Variants in ARL17A observed in about 807,000 individuals in gnomAD.
The protein encoded by ARL17A is ARF like GTPase 17A.
At chr17:46,541,458 G>T (rs1287663338) in intron 3 of ARL17A, among the ~76,000 whole-genome samples, 1 of 149,306 alleles carries the variant, frequency 6.7e-6, no homozygotes, top group Admixed American at 6.6e-5. Context: ...CGCCATGTTG[G>T]CCAGGGTGGT....
intron 2 of ARL17A, among the ~76,000 whole-genome samples, chr17:46,575,345 T>C (rs1329355885): frequency 4.6e-5 from 7 of 151,726 alleles, no homozygotes; most frequent in African/African-American, 1.2e-4. Context: ...ATTTCTCTAG[T>C]TGGACATCAT....
At chr17:46,525,690 A>G (rs79502567), downstream of ARL17A, among the ~76,000 whole-genome samples, 4,384 of 117,340 alleles carry the variant, frequency 0.037, 194 homozygotes, top group East Asian at 0.22. Flanking sequence ...CCAGGAAAAC[A>G]CTGGAATCAC....
chr17:46,541,249 C>G (rs903212976), intron 3 of ARL17A, among the ~76,000 whole-genome samples: 6 of 150,492 alleles, frequency 4.0e-5, no homozygotes, highest in African/African-American at 1.0e-4. Context: ...TTCACAAAGC[C>G]TAATTTTTTT....
intron 3 of ARL17A, among the ~76,000 whole-genome samples, chr17:46,545,359 G>C (rs541750393): frequency 7.2e-6 from 1 of 139,588 alleles, no homozygotes; most frequent in Non-Finnish European, 1.5e-5. Flanking sequence ...GCTGAATTTG[G>C]AGGATCCCTT....
chr17:46,542,514 G>GAT (rs574096941), intron 3 of ARL17A, among the ~76,000 whole-genome samples: 10 of 146,274 alleles, frequency 6.8e-5, no homozygotes, highest in South Asian at 2.1e-4. Flanking sequence ...TTCTTTGCAG[G>GAT]ATATATATAT....
chr17:46,520,965 A>G (rs1173686668), intron 3 of ARL17A, among the ~76,000 whole-genome samples: 1 of 81,830 alleles, frequency 1.2e-5, no homozygotes, highest in Non-Finnish European at 3.3e-5. Context: ...CAAGAATATT[A>G]AGCTACCAAG....
rs1179557017 is a variant in ARL17A at position 46,534,671 on chromosome 17, C to T, written c.335+3680G>A. On this transcript the variant is annotated intron_variant, in intron 4 of 4. Transcript: ENST00000329240. ...TTCCCCCTTTTCTATTCAACAAAACCACCATCGTCATCATGGCCCGTTCTC... is the reference window on the plus strand; with the variant it reads ...TTCCCCCTTTTCTATTCAACAAAACTACCATCGTCATCATGGCCCGTTCTC... Among the ~76,000 whole-genome samples the T allele has an allele frequency of 1.9e-4, 28 of 149,098 alleles. 3 individuals are homozygous for T. Among genetic ancestry groups the T allele is most frequent in the African/African-American group, 6.7e-4 (26 of 39,074 alleles).
chr17:46,545,373 C>T (rs2056133653), intron 3 of ARL17A, among the ~76,000 whole-genome samples: 1 of 135,894 alleles, frequency 7.4e-6, no homozygotes, highest in African/African-American at 3.1e-5. Context: ...ATCCCTTGAG[C>T]CCAGGGGGGT....
the ARL17A span, among the ~76,000 whole-genome samples, chr17:46,503,748 A>G: frequency 1.1e-5 from 1 of 90,074 alleles, no homozygotes; most frequent in Non-Finnish European, 2.3e-5. Flanking sequence ...CTCTTTAAGC[A>G]GGGGTAACTT....
intron 4 of ARL17A, among the ~76,000 whole-genome samples, chr17:46,531,996 T>C (rs1181681688): frequency 3.4e-5 from 5 of 148,652 alleles, no homozygotes; most frequent in Non-Finnish European, 5.9e-5. Context: ...GTGTGAGATG[T>C]AGGGGGTCCA....
intron 4 of ARL17A, among the ~76,000 whole-genome samples, chr17:46,534,895 G>A (rs1325186822): frequency 3.3e-5 from 5 of 149,702 alleles, no homozygotes; most frequent in Admixed American, 6.6e-5. Flanking sequence ...AGACGGGGCG[G>A]CTGCTGGGCG....
At chr17:46,543,816 T>G (rs915010272) in intron 3 of ARL17A, among the ~76,000 whole-genome samples, 1 of 150,896 alleles carries the variant, frequency 6.6e-6, no homozygotes, top group East Asian at 1.9e-4. Context: ...AAATAAAAAC[T>G]TGGGGGCAGA....
the ARL17A span, among the ~76,000 whole-genome samples, chr17:46,502,935 A>G: frequency 6.6e-6 from 1 of 150,536 alleles, no homozygotes; most frequent in Non-Finnish European, 1.5e-5. Flanking sequence ...CTTCATTGCC[A>G]GGCGTGGTGG....
chr17:46,541,721 CAGT>C (rs1330050020), intron 3 of ARL17A, among the ~76,000 whole-genome samples: 2 of 150,788 alleles, frequency 1.3e-5, no homozygotes, highest in African/African-American at 5.0e-5. Context: ...ACAATAAAAG[CAGT>C]AGAAAATTTA....
At chr17:46,541,882 C>T (rs1269597877) in intron 3 of ARL17A, among the ~76,000 whole-genome samples, 2 of 149,742 alleles carry the variant, frequency 1.3e-5, no homozygotes, top group African/African-American at 2.5e-5. Context: ...GGAGCCAATC[C>T]CCTGCAGACA....
intron 4 of ARL17A, among the ~76,000 whole-genome samples, chr17:46,534,438 G>A (rs1412316078): frequency 1.3e-5 from 2 of 148,776 alleles, no homozygotes; most frequent in East Asian, 2.0e-4. Flanking sequence ...GTTTAACAAA[G>A]CACATCTTGC....
the ARL17A span, among the ~76,000 whole-genome samples, chr17:46,503,028 C>T: frequency 1.2e-4 from 18 of 150,584 alleles, no homozygotes; most frequent in Non-Finnish European, 1.8e-4. Flanking sequence ...CTGGCTAACA[C>T]GGTGAAACCC....
At chr17:46,500,734 A>T in the ARL17A span, among the ~76,000 whole-genome samples, 9 of 151,192 alleles carry the variant, frequency 6.0e-5, no homozygotes, top group East Asian at 1.7e-3. Flanking sequence ...ACATTCAATG[A>T]GTAGCAAAGT....
At chr17:46,502,373 C>T in the ARL17A span, among the ~76,000 whole-genome samples, 53 of 151,248 alleles carry the variant, frequency 3.5e-4, no homozygotes, top group East Asian at 9.5e-3. Context: ...TGCAATGGCC[C>T]GGTCTCTGCT....
Sources: gnomAD v4.1 joint callset for allele counts (sites outside exome capture counted in the v4.1 genomes callset) on GRCh38, gnomAD v4.1.1 for gene constraint, MANE v1.5 for transcripts, NCBI Gene and HGNC (gene_info 2026-07-23, HGNC 2026-07-21) for gene names.